The following EPB41L5 variants were observed in gnomAD, a reference collection of about 807,000 sequenced individuals.
EPB41L5 encodes the protein band 4.1-like protein 5.
A neutral mutation model predicts 106.6 loss-of-function variants in EPB41L5; 55 were observed. That is an observed-to-expected ratio of 0.52 (90% CI 0.42 to 0.65). The LOEUF (loss-of-function observed/expected upper bound fraction) is 0.65, where lower values mean the gene tolerates loss of function less well. Among genes scored for constraint, EPB41L5 ranks in the 30% least tolerant of loss-of-function variants. EPB41L5 has a pLI of 0.00. For synonymous variants in EPB41L5, 297 were observed against 306.7 expected, an observed-to-expected ratio of 0.97 and a Z score of 0.33; for missense variants, 871 against 882.1, an observed-to-expected ratio of 0.99 and a Z score of 0.16.
At chr2:120,086,778 T>A (rs541039708) in intron 10 of EPB41L5, among the ~76,000 whole-genome samples, 1 of 152,264 alleles carries the variant, frequency 6.6e-6, no homozygotes, top group East Asian at 1.9e-4. Context: ...CGTCAGTGTT[T>A]TTCTTTATGG....
chr2:120,052,971 G>T (rs1290200298), intron 3 of EPB41L5, among the ~76,000 whole-genome samples: 1 of 152,068 alleles, frequency 6.6e-6, no homozygotes, highest in African/African-American at 2.4e-5. Context: ...ATCACCAGTA[G>T]ATTTACTATA....
At chr2:120,045,580 C>T (rs114553796) in intron 3 of EPB41L5, among the ~76,000 whole-genome samples, 9 of 152,164 alleles carry the variant, frequency 5.9e-5, no homozygotes, top group African/African-American at 1.9e-4. Flanking sequence ...TCTCCTTAGA[C>T]TGTATTCAGA....
At chr2:120,038,362 A>G (rs1425400202) in intron 2 of EPB41L5, among the ~76,000 whole-genome samples, 1 of 152,250 alleles carries the variant, frequency 6.6e-6, no homozygotes, top group Non-Finnish European at 1.5e-5. Flanking sequence ...TTTAAAAAGT[A>G]AAAGAGAAAG....
chr2:120,033,634 G>A (rs1280429705), intron 2 of EPB41L5, among the ~76,000 whole-genome samples: 2 of 151,432 alleles, frequency 1.3e-5, no homozygotes, highest in African/African-American at 2.4e-5. Context: ...TTGAACCTGG[G>A]GAGGTGGAGG....
chr2:120,085,944 C>T (rs1243340055), intron 10 of EPB41L5, among the ~76,000 whole-genome samples: 1 of 152,212 alleles, frequency 6.6e-6, no homozygotes, highest in Non-Finnish European at 1.5e-5. Context: ...CCAGGTGGCT[C>T]ACTCCTGTAA....
At chr2:120,160,719 C>T (rs965120984) in intron 20 of EPB41L5, 162 bp from the exon 21 acceptor site, 1 of 593,400 alleles carries the variant, frequency 1.7e-6, no homozygotes, top group Non-Finnish European at 3.0e-6. Flanking sequence ...GATGATGTCT[C>T]ATCATAGTTT....
In EPB41L5 at chr2:120,176,410, T is replaced by G. The variant is rs969597911; in HGVS notation, c.*1503T>G. The G allele has an allele frequency of 6.6e-6, 1 of 152,240 alleles. No individual in the cohort carries two copies. Among genetic ancestry groups the G allele is most frequent in the Non-Finnish European group, 1.5e-5 (1 of 68,054 alleles). 9.4% of individuals were successfully genotyped at this position (152,240 alleles called of 1,614,324 possible). ...CTTCATGGATTGGACTTTCCTGGGCTCCTTATAACATAATCGTGTGTCCAG... is the reference window on the plus strand; with the variant it reads ...CTTCATGGATTGGACTTTCCTGGGCGCCTTATAACATAATCGTGTGTCCAG... On this transcript the variant is annotated 3_prime_UTR_variant, in exon 25 of 25. Transcript: ENST00000263713.
chr2:120,127,611 G>C (rs1307699534), intron 16 of EPB41L5, 77 bp from the exon 17 acceptor site: 4 of 1,179,478 alleles, frequency 3.4e-6, no homozygotes, highest in African/African-American at 3.0e-5. Flanking sequence ...GGAAATTGCA[G>C]ATACAGAGGG....
chr2:120,097,636 TGAA>T (rs1358075812), intron 14 of EPB41L5, among the ~76,000 whole-genome samples: 2 of 152,090 alleles, frequency 1.3e-5, no homozygotes, highest in African/African-American at 2.4e-5. Context: ...TATGCAGTCT[TGAA>T]GACAGGAAAG....
At chr2:120,014,192 C>T (rs541794097) in intron 1 of EPB41L5, among the ~76,000 whole-genome samples, 20 of 152,308 alleles carry the variant, frequency 1.3e-4, no homozygotes, top group African/African-American at 4.6e-4. Flanking sequence ...GGCCACCAGT[C>T]ATGTAAGAGT....
intron 3 of EPB41L5, among the ~76,000 whole-genome samples, chr2:120,043,422 C>T (rs1290342080): frequency 1.3e-5 from 2 of 151,886 alleles, no homozygotes; most frequent in African/African-American, 2.4e-5. Flanking sequence ...TGGCGTGCCC[C>T]TGTAGTCCCA....
At chr2:120,147,532 G>A (rs1686461624) in intron 20 of EPB41L5, among the ~76,000 whole-genome samples, 1 of 151,174 alleles carries the variant, frequency 6.6e-6, no homozygotes, top group Non-Finnish European at 1.5e-5. Flanking sequence ...GGCCAAGACA[G>A]GAGAATTGCT....
In EPB41L5 at chr2:120,044,367, AT is replaced by A. The variant is rs1182137851; in HGVS notation, c.285+2260del. On this transcript the variant is annotated intron_variant, in intron 3 of 24. Transcript: ENST00000263713. ...CCAGCAGGTAGTAGGCACACAAAAC[AT>A]TTGTTGAATTTAATTCTAGACTTCT... 2.6e-5 allele frequency among the ~76,000 whole-genome samples: 4 copies of A among 152,302 alleles called. No homozygotes were observed. The East Asian group carries it at 5.8e-4, about 22-fold the overall frequency.
chr2:120,163,613 T>G (rs1489671110), intron 21 of EPB41L5, among the ~76,000 whole-genome samples: 1 of 151,028 alleles, frequency 6.6e-6, no homozygotes, highest in Non-Finnish European at 1.5e-5. Flanking sequence ...TTTTTTTAAG[T>G]TCAAAGTATG....
rs1380276366 is a variant in EPB41L5 at position 120,179,108 on chromosome 2, G to A, written c.*4201G>A. The A allele has an allele frequency of 1.3e-5, 2 of 152,132 alleles. No individual in the cohort carries two copies. The highest frequency in any genetic ancestry group is 2.9e-5 in the Non-Finnish European group (2 of 68,026). 9.4% of individuals were successfully genotyped at this position (152,132 alleles called of 1,614,324 possible). A position where few individuals can be genotyped will look rare whatever the true frequency, so the allele number is the denominator to read the frequency against. ...TGTAACTCTATTCAAATAAACCTTC[G>A]TGAGACATTCATGTTTTTGTGCACT... On this transcript the variant is annotated 3_prime_UTR_variant, in exon 25 of 25. Transcript: ENST00000263713.
chr2:120,030,728 G>T (rs1001838039), intron 2 of EPB41L5, among the ~76,000 whole-genome samples: 6 of 150,120 alleles, frequency 4.0e-5, no homozygotes, highest in East Asian at 2.0e-4. Flanking sequence ...TAATTTTTGT[G>T]TTTTTTACTA....
chr2:120,076,541 C>G (rs1167547180), intron 7 of EPB41L5, among the ~76,000 whole-genome samples: 2 of 126,488 alleles, frequency 1.6e-5, no homozygotes, highest in Non-Finnish European at 3.2e-5. Flanking sequence ...CTGAAACCAT[C>G]TTCCACCTCA....
chr2:120,022,345 C>G (rs903068854), intron 2 of EPB41L5, among the ~76,000 whole-genome samples: 3 of 151,948 alleles, frequency 2.0e-5, no homozygotes, highest in Admixed American at 6.6e-5. Context: ...CCCCCCACCC[C>G]CCGACAGGCC....
intron 16 of EPB41L5, chr2:120,103,973 CCT>C: frequency 3.6e-6 from 5 of 1,406,304 alleles, no homozygotes; most frequent in Non-Finnish European, 4.6e-6. Context: ...AGTCACATTA[CCT>C]TTCCCCTTTA....
Sources: allele counts gnomAD v4.1 joint callset (sites outside exome capture counted in the v4.1 genomes callset), GRCh38; gene constraint gnomAD v4.1.1; transcripts MANE v1.5; gene names NCBI Gene and HGNC (gene_info 2026-07-23, HGNC 2026-07-21).